The following C12orf56 variants were observed in gnomAD, a reference collection of about 807,000 sequenced individuals.
C12orf56 encodes uncharacterized protein C12orf56.
Under a neutral mutation model 69.9 loss-of-function variants are expected in C12orf56, and 71 were observed. The ratio of observed to expected loss-of-function variants is 1.02; its 90% CI spans 0.84 to 1.24. C12orf56 has a LOEUF of 1.24. Ranked by LOEUF, C12orf56 falls within the 50% of genes most tolerant of loss-of-function variation. The pLI is 0.00. For missense variants in C12orf56, 732 were observed against 738.5 expected, an observed-to-expected ratio of 0.99 and a Z score of 0.10; for synonymous variants, 276 against 274.1, an observed-to-expected ratio of 1.01 and a Z score of -0.07.
intron 4 of C12orf56, 88 bp downstream of exon 4, chr12:64,318,487 G>T: frequency 8.7e-7 from 1 of 1,145,166 alleles, no homozygotes; most frequent in Non-Finnish European, 1.2e-6. Context: ...TTTCCAAAAT[G>T]GGAGGTAAAG....
At chr12:64,286,953 T>G (rs987466555) in intron 6 of C12orf56, among the ~76,000 whole-genome samples, 2 of 151,718 alleles carry the variant, frequency 1.3e-5, no homozygotes, top group East Asian at 1.9e-4. Context: ...AAGGAAGGAC[T>G]TGGCCAGATG....
intron 4 of C12orf56, among the ~76,000 whole-genome samples, chr12:64,315,824 G>A (rs568571174): frequency 6.6e-6 from 1 of 151,578 alleles, no homozygotes; most frequent in Non-Finnish European, 1.5e-5. Flanking sequence ...CCAGCTACTG[G>A]AGAGGCTGAG....
At chr12:64,320,234 G>T (rs61931481) in intron 3 of C12orf56, among the ~76,000 whole-genome samples, 1 of 152,132 alleles carries the variant, frequency 6.6e-6, no homozygotes, top group Non-Finnish European at 1.5e-5. Context: ...CCATTCCTTG[G>T]AATCCATGAG....
At chr12:64,298,319 G>A (rs541815629) in intron 6 of C12orf56, among the ~76,000 whole-genome samples, 89 of 151,984 alleles carry the variant, frequency 5.9e-4, no homozygotes, top group African/African-American at 1.9e-3. Context: ...ATTTTCTCTC[G>A]TTCTGTAGGT....
At chr12:64,383,311 A>C (rs1435352994) in intron 1 of C12orf56, among the ~76,000 whole-genome samples, 1 of 152,016 alleles carries the variant, frequency 6.6e-6, no homozygotes, top group Non-Finnish European at 1.5e-5. Flanking sequence ...AGTCTCAAAA[A>C]AAAAAAAACC....
chr12:64,325,372 A>AAAAGAAG (rs1555189854), intron 3 of C12orf56, among the ~76,000 whole-genome samples: 3 of 141,394 alleles, frequency 2.1e-5, no homozygotes, highest in Non-Finnish European at 4.6e-5. Context: ...AAAAAAAAAA[A>AAAAGAAG]AAGAAGAAGA....
At chr12:64,356,352 C>T (rs2039317889) in intron 1 of C12orf56, among the ~76,000 whole-genome samples, 1 of 152,046 alleles carries the variant, frequency 6.6e-6, no homozygotes, top group African/African-American at 2.4e-5. Context: ...AACTAGTGCT[C>T]AGATAAAGAA....
At chr12:64,352,781 G>A in intron 2 of C12orf56, 113 bp downstream of exon 2, 1 of 966,890 alleles carries the variant, frequency 1.0e-6, no homozygotes, top group South Asian at 2.9e-5. Context: ...TGCGTGATAG[G>A]AACCTGGATT....
chr12:64,312,657 A>G (rs2038635271), intron 5 of C12orf56, 22 bp downstream of exon 5: 3 of 1,509,012 alleles, frequency 2.0e-6, no homozygotes, highest in South Asian at 2.4e-5. Flanking sequence ...ATGCAACTCT[A>G]TCATACATCA....
chr12:64,365,457 GC>G (rs2039453052), intron 1 of C12orf56, among the ~76,000 whole-genome samples: 1 of 151,354 alleles, frequency 6.6e-6, no homozygotes, highest in Non-Finnish European at 1.5e-5. Context: ...GAGCCACCAC[GC>G]CCGGCCGCTA....
chr12:64,290,915 T>A, intron 6 of C12orf56, among the ~76,000 whole-genome samples: 1 of 17,998 alleles, frequency 5.6e-5, no homozygotes, highest in African/African-American at 1.0e-4. Flanking sequence ...TTGTTGACTT[T>A]CTGTCTCGTT....
intron 3 of C12orf56, among the ~76,000 whole-genome samples, chr12:64,328,706 A>AAAATATAT (rs1555190164): frequency 6.6e-5 from 1 of 15,114 alleles, no homozygotes; most frequent in Non-Finnish European, 1.3e-4. Flanking sequence ...AAAAAAAAAA[A>AAAATATAT]ATATATATAT....
rs543022835 is a variant in C12orf56, at chr12:64,350,975, G to A, written c.415+1919C>T. On this transcript the variant is annotated intron_variant, in intron 2 of 12. Transcript: ENST00000543942. The stretch of plus-strand genomic sequence containing the variant: ...ATGAAATTCTAGACTTTTTAGATAA[G>A]CTGTTTTTAAGTTTTTGCCTACATT... Among the ~76,000 whole-genome samples, 15 of 152,244 alleles carry A rather than the reference G, an allele frequency of 9.9e-5. No homozygotes were observed. The East Asian group carries it at 2.7e-3, about 27-fold the overall frequency.
At chr12:64,382,996 G>A (rs988760359) in intron 1 of C12orf56, among the ~76,000 whole-genome samples, 2 of 151,762 alleles carry the variant, frequency 1.3e-5, no homozygotes, top group African/African-American at 2.4e-5. Flanking sequence ...ATTTTGGGAG[G>A]AGCCTAGTTT....
At chr12:64,356,895 A>C (rs1171611955) in intron 1 of C12orf56, among the ~76,000 whole-genome samples, 1 of 152,134 alleles carries the variant, frequency 6.6e-6, no homozygotes, top group Admixed American at 6.6e-5. Context: ...TCTATTATTT[A>C]ATGTTTTATT....
intron 5 of C12orf56, among the ~76,000 whole-genome samples, chr12:64,307,783 G>C (rs2038535677): frequency 6.6e-6 from 1 of 151,970 alleles, no homozygotes; most frequent in African/African-American, 2.4e-5. Flanking sequence ...TGGGAGGATT[G>C]TTTAAACCCA....
At chr12:64,384,669 G>C (rs1248190453) in intron 1 of C12orf56, among the ~76,000 whole-genome samples, 2 of 152,142 alleles carry the variant, frequency 1.3e-5, no homozygotes, top group Non-Finnish European at 2.9e-5. Flanking sequence ...GGAGTTGACA[G>C]ATTTTCTTTC....
intron 3 of C12orf56, among the ~76,000 whole-genome samples, chr12:64,329,218 G>T (rs1240314811): frequency 1.3e-5 from 2 of 152,010 alleles, no homozygotes; most frequent in African/African-American, 4.8e-5. Context: ...GTACTTGAGC[G>T]TGATCCCTTC....
At chr12:64,271,418 C>G (rs947178060) in intron 11 of C12orf56, among the ~76,000 whole-genome samples, 11 of 152,118 alleles carry the variant, frequency 7.2e-5, no homozygotes, top group Non-Finnish European at 1.3e-4. Flanking sequence ...GAGCCAAGAT[C>G]GCACCACTGC....
Sources: gnomAD v4.1 joint callset for allele counts (sites outside exome capture counted in the v4.1 genomes callset) on GRCh38, gnomAD v4.1.1 for gene constraint, MANE v1.5 for transcripts, NCBI Gene and HGNC (gene_info 2026-07-23, HGNC 2026-07-21) for gene names.